Variants in RASSF3 observed in about 807,000 individuals in gnomAD.
The protein encoded by RASSF3 is ras association domain-containing protein 3.
RASSF3 carries 19 observed loss-of-function variants against 19.9 expected under a neutral mutation model. The ratio of observed to expected loss-of-function variants is 0.96; its 90% CI spans 0.67 to 1.40. The LOEUF (loss-of-function observed/expected upper bound fraction) is 1.40. Ranked by LOEUF, RASSF3 falls within the 40% of genes most tolerant of loss-of-function variation. The pLI is 0.00. For synonymous variants in RASSF3, 110 were observed against 104.2 expected, an observed-to-expected ratio of 1.06 and a Z score of -0.34; for missense variants, 306 against 289.8, an observed-to-expected ratio of 1.06 and a Z score of -0.41.
chr12:64,564,071 T>G (rs1470851035), intron 2 of RASSF3, among the ~76,000 whole-genome samples: 1 of 152,196 alleles, frequency 6.6e-6, no homozygotes, highest in Non-Finnish European at 1.5e-5. Flanking sequence ...GGTCCCCTTA[T>G]AGCTAATGTC....
In RASSF3 at chr12:64,678,648, C is replaced by CAAAA. The variant is rs767180678; in HGVS notation, c.112-6125_112-6122dup. Among the ~76,000 whole-genome samples the CAAAA allele has an allele frequency of 1.4e-3, 131 of 90,918 alleles. 2 individuals are homozygous for CAAAA. The highest frequency in any genetic ancestry group is 4.7e-3 in the African/African-American group (114 of 24,166). The allele number at this position is 90,918 out of a possible 152,430, so 59.6% of individuals were successfully genotyped here. A position where few individuals can be genotyped will look rare whatever the true frequency, so the allele number is the denominator to read the frequency against. ...TATTTTTTAAAGAGATCCGTAATAC[C>CAAAA]AAAAAAAAAAAAAAAAACCAAACAA... On this transcript the variant is annotated intron_variant, in intron 1 of 4. Coordinates refer to ENST00000542104, the MANE Select transcript of RASSF3 (RefSeq NM_178169.4).
Position 64,655,440 on chromosome 12 carries a change from C to G in RASSF3, c.112-29347C>G, listed in dbSNP as rs565007326. ...GAGCCCTGATGTCCTAAAGGAGAGCCCTCTCCTGAAATGCATAACATACAT... is the reference window on the plus strand; with the variant it reads ...GAGCCCTGATGTCCTAAAGGAGAGCGCTCTCCTGAAATGCATAACATACAT... On this transcript the variant is annotated intron_variant, in intron 1 of 4. Coordinates refer to ENST00000542104, the MANE Select transcript of RASSF3 (RefSeq NM_178169.4). 6.6e-5 allele frequency among the ~76,000 whole-genome samples: 10 copies of G among 152,174 alleles called. No homozygotes were observed. The South Asian group carries it at 2.1e-3, about 32-fold the overall frequency.
At position 64,587,909 on chromosome 12, in the gene RASSF3, A is replaced by G. The variant is rs1366584249; in HGVS notation, c.294+46204A>G. On this transcript the variant is annotated intron_variant, in intron 2 of 5. Transcript: ENST00000637125. ...TTATACCATTTGGTAGTTCCATGGTATTAACTAAATGAACACCACCCCCAG... is the reference window on the plus strand; with the variant it reads ...TTATACCATTTGGTAGTTCCATGGTGTTAACTAAATGAACACCACCCCCAG... Among the ~76,000 whole-genome samples the G allele has an allele frequency of 3.3e-5, 5 of 152,204 alleles. No homozygotes were observed. The East Asian group carries it at 9.6e-4, about 29-fold the overall frequency.
upstream of RASSF3, chr12:64,610,382 T>C (rs1870295771): frequency 6.7e-6 from 1 of 148,948 alleles, no homozygotes; most frequent in Non-Finnish European, 1.5e-5. Context: ...GGGGTGGGGC[T>C]CGGCCGGTCG....
At chr12:64,535,260 G>C (rs68094298) in intron 1 of RASSF3, among the ~76,000 whole-genome samples, 23,001 of 151,894 alleles carry the variant, frequency 0.15, 2,271 homozygotes, top group African/African-American at 0.28. Context: ...CAGGAGTTCA[G>C]GGCTGCAATC....
chr12:64,559,470 C>T (rs541028977), intron 2 of RASSF3, among the ~76,000 whole-genome samples: 12 of 151,810 alleles, frequency 7.9e-5, no homozygotes, highest in African/African-American at 2.7e-4. Flanking sequence ...GGGGTTTCAC[C>T]GTGTTAGCCA....
chr12:64,650,370 A>C (rs1367181609), intron 1 of RASSF3, among the ~76,000 whole-genome samples: 2 of 140,694 alleles, frequency 1.4e-5, no homozygotes, highest in Non-Finnish European at 3.1e-5. Flanking sequence ...GACCTCAGTG[A>C]TAGTTGTCCT....
chr12:64,625,815 A>G (rs1322300014), intron 1 of RASSF3, among the ~76,000 whole-genome samples: 2 of 152,104 alleles, frequency 1.3e-5, no homozygotes, highest in East Asian at 3.8e-4. Context: ...ATGCTTCCAC[A>G]TTTAGGAAAT....
downstream of RASSF3, among the ~76,000 whole-genome samples, chr12:64,545,827 A>G (rs149814105): frequency 1.6e-4 from 24 of 152,282 alleles, no homozygotes; most frequent in Non-Finnish European, 3.4e-4. Flanking sequence ...GCAGTGAGCC[A>G]TGATCACACC....
chr12:64,596,778 G>C lies in RASSF3; in HGVS notation c.294+55073G>C, dbSNP rs990211692. On this transcript the variant is annotated intron_variant, in intron 2 of 5. Transcript: ENST00000637125. ...GAGTTTTGCTCTTGTTGCCCAGGCT[G>C]GAGTGCAATGGCGTGATCTCAGCTC... 3.3e-5 allele frequency among the ~76,000 whole-genome samples: 5 copies of C among 152,256 alleles called. No individual in the cohort carries two copies. The East Asian group carries it at 9.6e-4, about 29-fold the overall frequency.
intron 1 of RASSF3, among the ~76,000 whole-genome samples, chr12:64,645,233 G>A (rs1871687910): frequency 6.6e-6 from 1 of 152,154 alleles, no homozygotes; most frequent in Non-Finnish European, 1.5e-5. Context: ...AATATGTATT[G>A]TATTCATTAA....
Position 64,525,060 on chromosome 12 carries a change from G to T in RASSF3, c.170-16521G>T, listed in dbSNP as rs529126481. ...GGAGGCCGAGGCAGGTGGATCACCC[G>T]AGGTCAGGAGTTTGAGACCAGCATA... On this transcript the variant is annotated intron_variant, in intron 1 of 5. Transcript: ENST00000637125. 2.0e-5 allele frequency among the ~76,000 whole-genome samples: 3 copies of T among 152,124 alleles called. No homozygotes were observed. In the South Asian group the frequency reaches 6.2e-4, roughly 32 times the overall value.
At chr12:64,523,833 G>A (rs922220403) in intron 1 of RASSF3, among the ~76,000 whole-genome samples, 1 of 151,342 alleles carries the variant, frequency 6.6e-6, no homozygotes, top group East Asian at 2.0e-4. Context: ...TCAGCTTCCC[G>A]AGTAGCTGGG....
At chr12:64,610,923 T>G (rs1181433746) in intron 1 of RASSF3, among the ~76,000 whole-genome samples, 180 bp downstream of exon 1, 6 of 151,892 alleles carry the variant, frequency 4.0e-5, no homozygotes, top group Non-Finnish European at 7.4e-5. Context: ...CTGGAGCTTG[T>G]GCGTGTAGGC....
At chr12:64,581,476 A>C (rs1162625542) in intron 2 of RASSF3, among the ~76,000 whole-genome samples, 1 of 152,178 alleles carries the variant, frequency 6.6e-6, no homozygotes, top group Admixed American at 6.5e-5. Context: ...TTGGGAGGCC[A>C]AGGCAGGCAG....
At position 64,614,341 on chromosome 12, in the gene RASSF3, T is replaced by G. The variant is rs538040623; in HGVS notation, c.111+3598T>G. On this transcript the variant is annotated intron_variant, in intron 1 of 4. Coordinates refer to ENST00000542104, the MANE Select transcript of RASSF3 (RefSeq NM_178169.4). ...CGGGGTCTCACCATGTTGGCCAGGC[T>G]GGTCTTGAATTCCTGACCTCAGGTG... 2.0e-5 allele frequency among the ~76,000 whole-genome samples: 3 copies of G among 152,254 alleles called. No homozygotes were observed. In the South Asian group the frequency reaches 6.2e-4, roughly 32 times the overall value.
chr12:64,680,887 C>A (rs886149769), intron 1 of RASSF3, among the ~76,000 whole-genome samples: 3 of 152,144 alleles, frequency 2.0e-5, no homozygotes, highest in Non-Finnish European at 4.4e-5. Flanking sequence ...GCTGGGATTA[C>A]AGGTGTGAGC....
chr12:64,579,127 CAA>C (rs555192738), intron 2 of RASSF3, among the ~76,000 whole-genome samples: 25 of 129,726 alleles, frequency 1.9e-4, no homozygotes, highest in African/African-American at 5.7e-4. Context: ...AACTCTGTCT[CAA>C]AAAAAAAAAA....
chr12:64,677,993 A>G (rs976623124), intron 1 of RASSF3, among the ~76,000 whole-genome samples: 3 of 152,210 alleles, frequency 2.0e-5, no homozygotes, highest in African/African-American at 7.2e-5. Flanking sequence ...TGGTTTGCTT[A>G]TAAGTCCCTC....
Sources: gnomAD v4.1 joint callset for allele counts (sites outside exome capture counted in the v4.1 genomes callset) on GRCh38, gnomAD v4.1.1 for gene constraint, MANE v1.5 for transcripts, NCBI Gene and HGNC (gene_info 2026-07-23, HGNC 2026-07-21) for gene names.